Variants in EBF1 observed in about 807,000 individuals in gnomAD.
EBF1 encodes EBF transcription factor 1.
A neutral mutation model predicts 68.4 loss-of-function variants in EBF1; 10 were observed. That is an observed-to-expected ratio of 0.15 (90% CI 0.09 to 0.25). The LOEUF is 0.25. EBF1 is among the 10% of genes least tolerant of loss of function. EBF1 has a pLI of 1.00. For missense variants in EBF1, 509 were observed against 794.4 expected (o/e 0.64, Z 4.32); for synonymous variants, 298 against 299.8 (o/e 0.99, Z 0.06).
At chr5:158,924,994 C>T (rs1809346210) in intron 6 of EBF1, among the ~76,000 whole-genome samples, 1 of 152,116 alleles carries the variant, frequency 6.6e-6, no homozygotes, top group African/African-American at 2.4e-5. Context: ...CTGCCTACTC[C>T]TCTACAGCCA....
At chr5:158,716,642 G>A (rs1760776458) in intron 11 of EBF1, among the ~76,000 whole-genome samples, 1 of 152,220 alleles carries the variant, frequency 6.6e-6, no homozygotes, top group Non-Finnish European at 1.5e-5. Flanking sequence ...CAAATGGGAA[G>A]GAGAAAGGAA....
chr5:158,862,160 G>C (rs995809909), intron 6 of EBF1, among the ~76,000 whole-genome samples: 1 of 151,940 alleles, frequency 6.6e-6, no homozygotes, highest in Non-Finnish European at 1.5e-5. Context: ...TAATTAACAA[G>C]AATTTCTGAG....
Position 159,030,918 on chromosome 5 carries a change from A to G in EBF1, c.554+42478T>C, listed in dbSNP as rs1200769138. 2.6e-5 allele frequency among the ~76,000 whole-genome samples: 4 copies of G among 152,264 alleles called. No individual in the cohort carries two copies. In the East Asian group the frequency reaches 7.7e-4, roughly 29 times the overall value. On this transcript the variant is annotated intron_variant, in intron 6 of 15. Coordinates refer to ENST00000313708, the MANE Select transcript of EBF1 (RefSeq NM_024007.5). ...CCGGGCATGGTGGTTCATGCCTATA[A>G]TCCCAGCACTTTCGGAGCTCGAGGC...
At chr5:159,041,477 T>C (rs562103375) in intron 6 of EBF1, among the ~76,000 whole-genome samples, 1 of 152,382 alleles carries the variant, frequency 6.6e-6, no homozygotes, top group Non-Finnish European at 1.5e-5. Context: ...GGTTATTTTA[T>C]GTATTTCATT....
Position 158,842,178 on chromosome 5 carries a change from A to T in EBF1, c.555-2068T>A, listed in dbSNP as rs1162767758. Among the ~76,000 whole-genome samples the T allele has an allele frequency of 2.0e-5, 3 of 152,196 alleles. No individual in the cohort carries two copies. The East Asian group carries it at 5.8e-4, about 29-fold the overall frequency. ...TTGGTAAAGGAAGGGGGGTTAAGGG[A>T]GTGGCCCAAATCCTAAGTGCCTTTG... On this transcript the variant is annotated intron_variant, in intron 6 of 15. Transcript: ENST00000313708.
At chr5:158,801,435 C>T (rs1780560744) in intron 8 of EBF1, among the ~76,000 whole-genome samples, 1 of 152,040 alleles carries the variant, frequency 6.6e-6, no homozygotes, top group African/African-American at 2.4e-5. Flanking sequence ...AGCAGGCACA[C>T]ATTTTAGCGT....
intron 6 of EBF1, among the ~76,000 whole-genome samples, chr5:158,896,100 A>G (rs796323680): frequency 4.6e-5 from 7 of 152,112 alleles, no homozygotes; most frequent in African/African-American, 1.7e-4. Context: ...AGAAATAATA[A>G]TATGGATTGT....
intron 6 of EBF1, among the ~76,000 whole-genome samples, chr5:158,896,147 A>C (rs994955040): frequency 6.6e-6 from 1 of 152,236 alleles, no homozygotes; most frequent in African/African-American, 2.4e-5. Flanking sequence ...AATCACTTTC[A>C]ATCAAAATAA....
intron 6 of EBF1, among the ~76,000 whole-genome samples, chr5:159,040,031 A>G (rs1376563583): frequency 6.6e-6 from 1 of 152,210 alleles, no homozygotes; most frequent in East Asian, 1.9e-4. Context: ...GAATTTCTTT[A>G]AAATGCCACC....
chr5:158,980,920 T>G (rs1226748801), intron 6 of EBF1, among the ~76,000 whole-genome samples: 1 of 152,162 alleles, frequency 6.6e-6, no homozygotes, highest in African/African-American at 2.4e-5. Context: ...ACTAGTAAGT[T>G]TCATAATAAG....
chr5:158,894,164 A>C (rs1801728410), intron 6 of EBF1, among the ~76,000 whole-genome samples: 1 of 152,214 alleles, frequency 6.6e-6, no homozygotes, highest in African/African-American at 2.4e-5. Context: ...CCAAGTTCCC[A>C]GCAAACATGG....
chr5:158,868,022 T>A (rs1380520225), intron 6 of EBF1, among the ~76,000 whole-genome samples: 1 of 152,174 alleles, frequency 6.6e-6, no homozygotes, highest in Non-Finnish European at 1.5e-5. Flanking sequence ...TATATCTACA[T>A]CTGGAAATTC....
chr5:158,743,127 A>C (rs549701297), intron 10 of EBF1, among the ~76,000 whole-genome samples: 5 of 152,224 alleles, frequency 3.3e-5, no homozygotes, highest in African/African-American at 1.2e-4. Context: ...TTGGCTACCC[A>C]AAAATATACA....
chr5:158,975,274 C>CTTAT, intron 6 of EBF1, among the ~76,000 whole-genome samples: 1 of 152,124 alleles, frequency 6.6e-6, no homozygotes, highest in African/African-American at 2.4e-5. Flanking sequence ...CCCCACTCCC[C>CTTAT]CCAAAAAATA....
intron 6 of EBF1, among the ~76,000 whole-genome samples, chr5:159,001,504 T>G (rs1762540138): frequency 6.6e-6 from 1 of 152,194 alleles, no homozygotes; most frequent in Non-Finnish European, 1.5e-5. Flanking sequence ...AATCATTTCA[T>G]CCCTCTGAGC....
At chr5:159,053,628 C>T (rs1584291060) in intron 6 of EBF1, among the ~76,000 whole-genome samples, 1 of 151,640 alleles carries the variant, frequency 6.6e-6, no homozygotes, top group East Asian at 1.9e-4. Flanking sequence ...CACACACACA[C>T]ACACACACAC....
At chr5:158,930,565 A>G (rs1443398420) in intron 6 of EBF1, among the ~76,000 whole-genome samples, 1 of 152,212 alleles carries the variant, frequency 6.6e-6, no homozygotes, top group Non-Finnish European at 1.5e-5. Flanking sequence ...CAAGAATGGG[A>G]TACTTTGGAT....
intron 11 of EBF1, among the ~76,000 whole-genome samples, chr5:158,725,727 C>T (rs1762854243): frequency 1.3e-5 from 2 of 152,146 alleles, no homozygotes; most frequent in South Asian, 4.1e-4. Context: ...GTTCCACTGG[C>T]TGAGTGGGAA....
At chr5:158,742,181 T>C (rs1054048348) in intron 10 of EBF1, among the ~76,000 whole-genome samples, 1 of 152,350 alleles carries the variant, frequency 6.6e-6, no homozygotes, top group East Asian at 1.9e-4. Context: ...TTGCTATTCA[T>C]GTATCCTTCT....
Sources: allele counts gnomAD v4.1 joint callset (sites outside exome capture counted in the v4.1 genomes callset), GRCh38; gene constraint gnomAD v4.1.1; transcripts MANE v1.5; gene names NCBI Gene and HGNC (gene_info 2026-07-23, HGNC 2026-07-21).